The following CLUH variants were observed in gnomAD, a reference collection of about 807,000 sequenced individuals.
CLUH encodes the protein clustered mitochondria protein homolog.
Under a neutral mutation model 139.3 loss-of-function variants are expected in CLUH, and 77 were observed. The observed-to-expected ratio is 0.55, with a 90% CI of 0.46 to 0.67. CLUH has a LOEUF of 0.67. Ranked by LOEUF, CLUH falls within the 30% of genes least tolerant of loss-of-function variation. CLUH has a pLI of 0.00. For missense variants in CLUH, 1,876 were observed against 1,875.8 expected (o/e 1.00, Z 0.00); for synonymous variants, 999 against 801.6 (o/e 1.25, Z -4.16).
rs1291840871 is a variant in CLUH, at chr17:2,703,489, C to A, written c.304G>T (p.Val102Leu). The A allele has an allele frequency of 6.2e-7, 1 of 1,612,210 alleles. No homozygotes were observed. Residue 102 changes from valine to leucine, a missense_variant and splice_region_variant, in exon 3 of 26, where the codon GTG (valine) becomes TTG (leucine). Val to Leu is a conservative substitution (Grantham distance 32). Transcript: ENST00000651024. The surrounding 1 kb of genome is among the most constrained non-coding windows in gnomAD (Gnocchi z 4.2). ...TCCTGCACCATCTCCTGGGGGGACACCTGCAGGGAGAAGGCCCCGCCCACC... is the reference window on the plus strand; with the variant it reads ...TCCTGCACCATCTCCTGGGGGGACAACTGCAGGGAGAAGGCCCCGCCCACC... ...APGIEPFSLQ[V>L]SPQEMVQEIH... is the part of the protein sequence containing the mutation.
intron 10 of CLUH, among the ~76,000 whole-genome samples, chr17:2,697,381 A>G (rs2069992222): frequency 6.6e-6 from 1 of 151,638 alleles, no homozygotes; most frequent in Non-Finnish European, 1.5e-5. Flanking sequence ...CCTAGGCGAC[A>G]AGAGTGAAAC....
chr17:2,691,959 ACGCCC>A (rs2069679490), intron 23 of CLUH, 40 bp downstream of exon 23: 2 of 379,488 alleles, frequency 5.3e-6, no homozygotes, highest in Middle Eastern at 1.0e-3. Flanking sequence ...CCGCCCCGCC[ACGCCC>A]CCGCCCCGCC....
At chr17:2,705,319 G>A (rs541131119) in intron 1 of CLUH, among the ~76,000 whole-genome samples, 2 of 152,178 alleles carry the variant, frequency 1.3e-5, no homozygotes, top group South Asian at 4.1e-4. Flanking sequence ...CTCTATTTCA[G>A]CAGTGCCACC....
chr17:2,704,664 C>G lies in CLUH; in HGVS notation c.101-100G>C. ...GGACACGTGCCTTCTGGAAAGGCAT[C>G]TGCATGCCCTCGAGAGTCCCAGCCT... On this transcript the variant is annotated intron_variant, in intron 1 of 25. Coordinates refer to ENST00000651024, the MANE Select transcript of CLUH (RefSeq NM_001366661.1). The surrounding 1 kb of genome is among the most constrained non-coding windows in gnomAD (Gnocchi z 5.7). 1 of 1,146,136 alleles carries G rather than the reference C, an allele frequency of 8.7e-7. No homozygotes were observed. 71.0% of individuals were successfully genotyped at this position (1,146,136 alleles called of 1,614,324 possible).
chr17:2,694,673 A>G, intron 16 of CLUH, 109 bp from the exon 17 acceptor site: 1 of 1,254,696 alleles, frequency 8.0e-7, no homozygotes, highest in Admixed American at 2.7e-5. Flanking sequence ...ACACTGCCCC[A>G]CCCGGCCCCC....
chr17:2,708,948 G>A (rs2070433896), intron 1 of CLUH, among the ~76,000 whole-genome samples: 1 of 152,070 alleles, frequency 6.6e-6, no homozygotes. Context: ...TCATAGTCCA[G>A]GAGCACCTCT....
rs750782828 is a variant in CLUH at position 2,694,959 on chromosome 17, G to A, written c.2750C>T (p.Pro917Leu). The A allele has an allele frequency of 4.0e-5, 64 of 1,612,150 alleles. No homozygotes were observed. In the Admixed American group the frequency reaches 4.0e-4, roughly 10 times the overall value. The change falls in exon 16 of 26, where the codon CCG becomes CTG. Residue 917 changes from proline to leucine, a missense_variant. Pro to Leu is a moderately conservative substitution (Grantham distance 98). Coordinates refer to ENST00000651024, the MANE Select transcript of CLUH (RefSeq NM_001366661.1). ...KRNKRRKNRPPGAADNTAWAV... is the reference protein window; with the variant it reads ...KRNKRRKNRPLGAADNTAWAV... ...CCAGGCTGTGTTATCTGCAGCCCCC[G>A]GGGGCCGGTTTTTCCTCCTCTTATT... is the stretch of plus-strand genomic sequence containing the variant.
rs2070528780 is a variant in CLUH, at chr17:2,711,692, T to C, written c.-31A>G. ...CGGGAGCGGGCGTCCGCCTCGGCTGTCCGCGCCGCCCGCCGCGCCACTAAC... is the reference window on the plus strand; with the variant it reads ...CGGGAGCGGGCGTCCGCCTCGGCTGCCCGCGCCGCCCGCCGCGCCACTAAC... On this transcript the variant is annotated 5_prime_UTR_variant, in exon 1 of 26. Coordinates refer to ENST00000651024, the MANE Select transcript of CLUH (RefSeq NM_001366661.1). 8.6e-6 allele frequency: 8 copies of C among 929,334 alleles called. No homozygotes were observed. Among genetic ancestry groups the C allele is most frequent in the Non-Finnish European group, 1.0e-5 (8 of 779,010 alleles). The allele number at this position is 929,334 out of a possible 1,614,324, so 57.6% of individuals were successfully genotyped here. A position where few individuals can be genotyped will look rare whatever the true frequency, so the allele number is the denominator to read the frequency against.
rs544836373 is a variant in CLUH, at chr17:2,691,510, G to A, written c.3863+99C>T. 5.4e-5 allele frequency: 66 copies of A among 1,232,528 alleles called. 1 individual carries two copies. Among genetic ancestry groups the A allele is most frequent in the Non-Finnish European group, 6.5e-5 (56 of 861,118 alleles). 76.3% of individuals were successfully genotyped at this position (1,232,528 alleles called of 1,614,324 possible). A position where few individuals can be genotyped will look rare whatever the true frequency, so the allele number is the denominator to read the frequency against. ...CGGGAGGCGGAGGCTGCAGTGAGCC[G>A]GGATGGCGCCGCCGCACTCCAGCCC... On this transcript the variant is annotated intron_variant, in intron 25 of 25. Coordinates refer to ENST00000651024, the MANE Select transcript of CLUH (RefSeq NM_001366661.1).
At chr17:2,702,799 T>C (rs1032064909) in intron 3 of CLUH, among the ~76,000 whole-genome samples, 3 of 152,142 alleles carry the variant, frequency 2.0e-5, no homozygotes, top group African/African-American at 7.2e-5. Context: ...GATTTTTTTT[T>C]TTTAGAATCA....
At chr17:2,700,901 C>G (rs1277378663) in intron 7 of CLUH, 76 bp from the exon 8 acceptor site, 2 of 1,479,554 alleles carry the variant, frequency 1.4e-6, no homozygotes, top group African/African-American at 2.8e-5. Context: ...TTTTCTGAGG[C>G]CCCCGCCTGC....
chr17:2,700,471 G>T lies in CLUH; in HGVS notation c.1177C>A (p.Arg393=). 1 of 1,611,122 alleles carries T rather than the reference G, an allele frequency of 6.2e-7. No homozygotes were observed. The part of the protein sequence containing the change: ...GYEEHIPGQT[R]DWNEELQTTR... ...GTCTGCAGCTCCTCATTCCAGTCTC[G>T]GGTCTGCAGAGAGATCAGGGAGGGA... Residue 393 remains arginine (R), a synonymous_variant, in exon 9 of 26, where the codon CGA becomes AGA. Transcript: ENST00000651024.
intron 6 of CLUH, 44 bp downstream of exon 6, chr17:2,701,322 C>T (rs927930471): frequency 3.2e-5 from 51 of 1,605,798 alleles, no homozygotes; most frequent in Middle Eastern, 1.6e-4. Flanking sequence ...AGACCCAGGA[C>T]GGCTGGCACG....
chr17:2,710,346 G>A (rs1054636571), intron 1 of CLUH, among the ~76,000 whole-genome samples: 1 of 152,198 alleles, frequency 6.6e-6, no homozygotes, highest in African/African-American at 2.4e-5. Context: ...ACAATCAGCA[G>A]TACTGCCCCA....
Position 2,696,470 on chromosome 17 carries a change from A to C in CLUH, c.2254T>G (p.Phe752Val). Residue 752 changes from phenylalanine (F) to valine (V), a missense_variant, in exon 12 of 26, where the codon TTC becomes GTC. Around this residue, in one of 3 missense-constraint regions of CLUH, gnomAD observed 1,454 missense variants for 1,384.4 expected, o/e 1.05. Transcript: ENST00000651024. ...ATGTCAGGATTGAAGCGAATGTCGA[A>C]GGCGGTGCTGCTGATGGAGCCGACC... is the stretch of plus-strand genomic sequence containing the variant. ...KAVGSISSTA[F>V]DIRFNPDIFS... is the part of the protein sequence containing the mutation. 6.3e-7 allele frequency: 1 copy of C among 1,595,966 alleles called. No individual in the cohort carries two copies. Among genetic ancestry groups the C allele is most frequent in the Non-Finnish European group, 8.5e-7 (1 of 1,172,854 alleles).
chr17:2,690,634 G>A lies in CLUH; in HGVS notation c.4007C>T (p.Pro1336Leu), dbSNP rs1025464727. 15 of 1,509,516 alleles carry A rather than the reference G, an allele frequency of 9.9e-6. No individual in the cohort carries two copies. Among genetic ancestry groups the A allele is most frequent in the Non-Finnish European group, 1.3e-5 (15 of 1,135,456 alleles). The allele number at this position is 1,509,516 out of a possible 1,614,324, so 93.5% of individuals were successfully genotyped here. A position where few individuals can be genotyped will look rare whatever the true frequency, so the allele number is the denominator to read the frequency against. The part of the protein sequence containing the change: ...AGAPGDLGSQ[P>L]PAAKDPSPSV... ...CGGAGAAGGGTCCTTGGCAGCCGGGGGCTGGGAGCCCAGGTCTCCTGGGGC... is the reference window on the plus strand; with the variant it reads ...CGGAGAAGGGTCCTTGGCAGCCGGGAGCTGGGAGCCCAGGTCTCCTGGGGC... Residue 1336 changes from proline to leucine, a missense_variant, in exon 26 of 26, where the codon CCC (proline) becomes CTC (leucine). Physicochemically the swap from Pro to Leu is moderately conservative, Grantham distance 98. Around this residue, in one of 3 missense-constraint regions of CLUH, gnomAD observed 1,454 missense variants for 1,384.4 expected, o/e 1.05. Coordinates refer to ENST00000651024, the MANE Select transcript of CLUH (RefSeq NM_001366661.1).
intron 13 of CLUH, chr17:2,695,742 G>T: frequency 1.5e-6 from 1 of 650,880 alleles, no homozygotes; most frequent in African/African-American, 1.8e-5. Context: ...AACCATGTGG[G>T]AGAAGCAGAG....
Position 2,696,148 on chromosome 17 carries a change from C to G in CLUH, c.2391+11G>C. Reference sequence around the variant, plus strand: ...CACAAGCCCCACCCAGCCCCGCAGCCCCTCCCTCACCAAGCCAGGGATCTG... The same window carrying G: ...CACAAGCCCCACCCAGCCCCGCAGCGCCTCCCTCACCAAGCCAGGGATCTG... On this transcript the variant is annotated intron_variant, in intron 13 of 25. Transcript: ENST00000651024. The G allele has an allele frequency of 6.4e-7, 1 of 1,551,982 alleles. No homozygotes were observed.
At chr17:2,694,732 G>T in intron 16 of CLUH, 125 bp downstream of exon 16, 2 of 1,384,986 alleles carry the variant, frequency 1.4e-6, no homozygotes, top group Non-Finnish European at 1.9e-6. Context: ...GATCTCCACA[G>T]CTGCTCCCTC....
Sources: allele counts gnomAD v4.1 joint callset (sites outside exome capture counted in the v4.1 genomes callset), GRCh38; gene constraint gnomAD v4.1.1; regional missense constraint gnomAD v4.1.1; non-coding constraint Gnocchi (gnomAD v3.1); transcripts MANE v1.5; gene names NCBI Gene and HGNC (gene_info 2026-07-23, HGNC 2026-07-21).